The following IGFN1 variants were observed in gnomAD, a reference collection of about 807,000 sequenced individuals.
IGFN1 encodes immunoglobulin like and fibronectin type III domain containing 1.
IGFN1 carries 253 observed loss-of-function variants against 289.5 expected under a neutral mutation model. The ratio of observed to expected loss-of-function variants is 0.87; its 90% CI spans 0.79 to 0.97. The LOEUF (loss-of-function observed/expected upper bound fraction) is 0.97. Among genes scored for constraint, IGFN1 ranks in the 50% least tolerant of loss-of-function variants. The pLI is 0.00. For synonymous variants in IGFN1, 1,706 were observed against 1,788.5 expected (o/e 0.95, Z 1.16); for missense variants, 4,470 against 4,686.1 (o/e 0.95, Z 1.35).
At chr1:201,223,382 T>TTATTTATTTATA (rs1653870830) in intron 20 of IGFN1, among the ~76,000 whole-genome samples, 2 of 150,046 alleles carry the variant, frequency 1.3e-5, no homozygotes, top group Non-Finnish European at 3.0e-5. Context: ...ATTTATTTAT[T>TTATTTATTTATA]TATTTTGAGA....
intron 14 of IGFN1, 54 bp downstream of exon 14, chr1:201,215,208 A>G (rs1653143805): frequency 6.4e-7 from 1 of 1,559,826 alleles, no homozygotes; most frequent in Admixed American, 1.9e-5. Context: ...GTCTCTTTGT[A>G]CCAGGTGATA....
chr1:201,209,062 C>T lies in IGFN1; in HGVS notation c.4169C>T (p.Ala1390Val). 2 of 1,536,360 alleles carry T rather than the reference C, an allele frequency of 1.3e-6. No individual in the cohort carries two copies. Among genetic ancestry groups the T allele is most frequent in the South Asian group, 2.4e-5 (2 of 84,038 alleles). The change falls in exon 12 of 24, where the codon GCA becomes GTA. Residue 1390 changes from alanine to valine, a missense_variant. Physicochemically the swap from Ala to Val is moderately conservative, Grantham distance 64. Around this residue, in one of 8 missense-constraint regions of IGFN1, gnomAD observed 2,011 missense variants for 1,953.4 expected, o/e 1.03. Coordinates refer to ENST00000335211, the MANE Select transcript of IGFN1 (RefSeq NM_001164586.2). ...TTGGGGGTTCCTGAGGGAATGGGTGCAGGTTACAGGGCTGGTTTAAGGGGT... is the reference window on the plus strand; with the variant it reads ...TTGGGGGTTCCTGAGGGAATGGGTGTAGGTTACAGGGCTGGTTTAAGGGGT... ...KDLGVPEGMGAGYRAGLRGPG... is the reference protein window; with the variant it reads ...KDLGVPEGMGVGYRAGLRGPG...
chr1:201,222,777 T>C lies in IGFN1; in HGVS notation c.10240T>C (p.Leu3414=), dbSNP rs1196820916. 6.2e-7 allele frequency: 1 copy of C among 1,613,352 alleles called. No homozygotes were observed. The highest frequency in any genetic ancestry group is 8.5e-7 in the Non-Finnish European group (1 of 1,179,592). ...CCTCGTGGACTCCAGCACCAAGGAC[T>C]TGCTGACAGTCAAGGTCGGGGACAC... ...KFLVDSSTKD[L]LTVKVGDTVR... is the part of the protein sequence containing the mutation. The change falls in exon 20 of 24, where the codon TTG becomes CTG. Residue 3414 remains leucine, a synonymous_variant. Transcript: ENST00000335211.
rs1453439295 is a variant in IGFN1 at position 201,206,462 on chromosome 1, T to C, written c.1569T>C (p.His523=). The change falls in exon 12 of 24, where the codon CAT becomes CAC. Residue 523 remains histidine, a synonymous_variant. Coordinates refer to ENST00000335211, the MANE Select transcript of IGFN1 (RefSeq NM_001164586.2). ...GWARSLAERP[H]LQGESSESGL... Reference sequence around the variant, plus strand: ...CCAGAAGCCTTGCAGAGAGGCCCCATCTACAGGGAGAGAGCTCAGAATCAG... The same window carrying C: ...CCAGAAGCCTTGCAGAGAGGCCCCACCTACAGGGAGAGAGCTCAGAATCAG... 3 of 1,551,220 alleles carry C rather than the reference T, an allele frequency of 1.9e-6. No individual in the cohort carries two copies. The South Asian group carries it at 3.6e-5, about 18-fold the overall frequency.
chr1:201,226,254 A>C (rs1296789194), intron 22 of IGFN1, 131 bp downstream of exon 22: 2 of 1,061,304 alleles, frequency 1.9e-6, no homozygotes, highest in Non-Finnish European at 1.3e-6. Flanking sequence ...ATGCCAAATA[A>C]CAGCCAGCAG....
chr1:201,221,273 G>T (rs1000053111), intron 18 of IGFN1, among the ~76,000 whole-genome samples, 171 bp from the exon 19 acceptor site: 1 of 152,230 alleles, frequency 6.6e-6, no homozygotes, highest in Admixed American at 6.5e-5. Flanking sequence ...GAGACAAAGT[G>T]CTGGTTACAG....
rs757904161 is a variant in IGFN1, at chr1:201,227,097, G to A, written c.11002G>A (p.Val3668Met). 8.1e-6 allele frequency: 13 copies of A among 1,613,432 alleles called. No individual in the cohort carries two copies. The highest frequency in any genetic ancestry group is 1.6e-4 in the Middle Eastern group (1 of 6,084). ...PAVYSTDLLG[V>M]CSLTIPSVSP... ...GGTGTACAGCACTGACCTGCTGGGC[G>A]TGTGCTCCCTCACCATCCCCAGCGT... is the stretch of plus-strand genomic sequence containing the variant. The change falls in exon 23 of 24, where the codon GTG (valine) becomes ATG (methionine). Residue 3668 changes from valine (V) to methionine (M), a missense_variant. Val to Met is a conservative substitution (Grantham distance 21). This residue lies in a region of IGFN1 where 2,218 missense variants were observed against 2,114.1 expected (regional missense o/e 1.05). Transcript: ENST00000335211.
At chr1:201,195,192 C>T (rs1558132272) in intron 3 of IGFN1, among the ~76,000 whole-genome samples, 1 of 151,824 alleles carries the variant, frequency 6.6e-6, no homozygotes, top group Non-Finnish European at 1.5e-5. Context: ...CGCTCTGTTG[C>T]CCAGGCTGGA....
At chr1:201,196,019 C>T in intron 4 of IGFN1, 41 bp downstream of exon 4, 1 of 1,542,058 alleles carries the variant, frequency 6.5e-7, no homozygotes, top group Non-Finnish European at 8.8e-7. Flanking sequence ...GTCTACTCGT[C>T]TTTTCCCATC....
At chr1:201,205,499 CA>C (rs1198226941) in intron 11 of IGFN1, 145 bp downstream of exon 11, 2 of 954,902 alleles carry the variant, frequency 2.1e-6, no homozygotes, top group Non-Finnish European at 3.0e-6. Flanking sequence ...CACTGCAGTG[CA>C]GACCTTCATG....
intron 11 of IGFN1, 73 bp from the exon 12 acceptor site, chr1:201,206,010 C>A: frequency 9.1e-7 from 1 of 1,104,344 alleles, no homozygotes; most frequent in South Asian, 1.5e-5. Flanking sequence ...CCGGATTTAA[C>A]AGGAGTTTTG....
intron 9 of IGFN1, 120 bp from the exon 10 acceptor site, chr1:201,203,618 A>C: frequency 2.3e-6 from 2 of 856,994 alleles, no homozygotes; most frequent in Non-Finnish European, 3.6e-6. Flanking sequence ...GGTTCCAGGA[A>C]TCTGTTGTCT....
At chr1:201,194,407 C>T in intron 3 of IGFN1, 134 bp downstream of exon 3, 1 of 961,674 alleles carries the variant, frequency 1.0e-6, no homozygotes, top group Non-Finnish European at 1.5e-6. Context: ...CCATCTCCCT[C>T]CTATCCTTGA....
In IGFN1 at chr1:201,197,246, A is replaced by T; in HGVS notation, c.296A>T (p.Asp99Val). Residue 99 changes from aspartate to valine, a missense_variant, in exon 5 of 24, where the codon GAT (aspartate) becomes GTT (valine). This residue lies in a region of IGFN1 where 2,011 missense variants were observed against 1,953.4 expected (regional missense o/e 1.03). Transcript: ENST00000335211. ...QINKLTGEDT[D>V]LYRCTAVNAY... ...AACAAGCTGACAGGCGAGGACACGG[A>T]TCTGTACCGCTGCACAGCAGTAAAT... 1 of 1,551,392 alleles carries T rather than the reference A, an allele frequency of 6.4e-7. No homozygotes were observed. The highest frequency in any genetic ancestry group is 8.7e-7 in the Non-Finnish European group (1 of 1,146,692).
In IGFN1 at chr1:201,209,370, G is replaced by A. The variant is rs1385863706; in HGVS notation, c.4477G>A (p.Ala1493Thr). ...TTCTGGGGAAATGGGGTTAATTGAG[G>A]CAGGCTATAGGAAAGATTTGGGGGT... is the stretch of plus-strand genomic sequence containing the variant. ...RGSGEMGLIEAGYRKDLGVSE... is the reference protein window; with the variant it reads ...RGSGEMGLIETGYRKDLGVSE... Residue 1493 changes from alanine (A) to threonine (T), a missense_variant, in exon 12 of 24, where the codon GCA (alanine) becomes ACA (threonine). Ala to Thr is a moderately conservative substitution (Grantham distance 58). Transcript: ENST00000335211. 6.7e-7 allele frequency: 1 copy of A among 1,501,834 alleles called. No homozygotes were observed. The highest frequency in any genetic ancestry group is 1.3e-5 in the South Asian group (1 of 77,018). The allele number at this position is 1,501,834 out of a possible 1,614,324, so 93.0% of individuals were successfully genotyped here. A position where few individuals can be genotyped will look rare whatever the true frequency, so the allele number is the denominator to read the frequency against.
chr1:201,212,877 G>C lies in IGFN1; in HGVS notation c.7984G>C (p.Gly2662Arg). ...GSLQEKDAAF[G>R]GTHEGPGGFK... ...TCTGCAGGAGAAAGATGCCGCTTTT[G>C]GTGGGACCCATGAAGGGCCAGGGGG... The change falls in exon 12 of 24, where the codon GGT (glycine) becomes CGT (arginine). Residue 2662 changes from glycine to arginine, a missense_variant. Physicochemically the swap from Gly to Arg is moderately radical, Grantham distance 125 (BLOSUM62 -2). Transcript: ENST00000335211. The C allele has an allele frequency of 6.4e-7, 1 of 1,551,312 alleles. No individual in the cohort carries two copies. Among genetic ancestry groups the C allele is most frequent in the Non-Finnish European group, 8.7e-7 (1 of 1,146,914 alleles).
chr1:201,224,934 G>C (rs1653982520), intron 21 of IGFN1, 60 bp downstream of exon 21: 3 of 1,283,186 alleles, frequency 2.3e-6, no homozygotes. Flanking sequence ...AAGGCAAAGA[G>C]GTGTCCACTG....
In IGFN1 at chr1:201,216,865, C is replaced by T. The variant is rs1186038310; in HGVS notation, c.9595+112C>T. The T allele has an allele frequency of 3.7e-5, 32 of 871,466 alleles. 1 individual carries two copies. The highest frequency in any genetic ancestry group is 6.7e-5 in the South Asian group (4 of 59,290). 54.0% of individuals were successfully genotyped at this position (871,466 alleles called of 1,614,324 possible). The stretch of plus-strand genomic sequence containing the variant: ...TGACACCAGCCTGTGCTCGGGGCTT[C>T]GGAGGCCCTTCTGTAGCACTCTGGA... On this transcript the variant is annotated intron_variant, in intron 16 of 23. Transcript: ENST00000335211.
intron 15 of IGFN1, 78 bp downstream of exon 15, chr1:201,215,916 C>A: frequency 1.5e-6 from 2 of 1,371,092 alleles, no homozygotes; most frequent in Non-Finnish European, 2.0e-6. Context: ...AAGGGCAGGC[C>A]TGGGATATGA....
Sources: gnomAD v4.1 joint callset for allele counts (sites outside exome capture counted in the v4.1 genomes callset) on GRCh38, gnomAD v4.1.1 for gene constraint, gnomAD v4.1.1 regional missense constraint, MANE v1.5 for transcripts, NCBI Gene and HGNC (gene_info 2026-07-23, HGNC 2026-07-21) for gene names.